The following SLC41A1 variants were observed in gnomAD, a reference collection of about 807,000 sequenced individuals.
SLC41A1 encodes solute carrier family 41 (magnesium transporter), member 1.
In SLC41A1, 20 loss-of-function variants were observed where a neutral mutation model predicts 47.3. That is an observed-to-expected ratio of 0.42 (90% CI 0.30 to 0.61). SLC41A1 has a LOEUF of 0.61. SLC41A1 is among the 20% of genes least tolerant of loss of function. The pLI is 0.17. For missense variants in SLC41A1, 504 were observed against 674.1 expected, an observed-to-expected ratio of 0.75 and a Z score of 2.79; for synonymous variants, 282 against 272.7, an observed-to-expected ratio of 1.03 and a Z score of -0.34.
chr1:205,795,096 GGA>G (rs2102501258), intron 9 of SLC41A1, 78 bp from the exon 10 acceptor site: 1 of 1,575,454 alleles, frequency 6.3e-7, no homozygotes, highest in African/African-American at 1.3e-5. Context: ...AAGTCAGGAG[GGA>G]CGGCACCATA....
intron 8 of SLC41A1, 33 bp downstream of exon 8, chr1:205,796,891 C>T (rs374211507): frequency 6.2e-7 from 1 of 1,602,644 alleles, no homozygotes; most frequent in Non-Finnish European, 8.5e-7. Flanking sequence ...TTCCCCCAGC[C>T]CTGCCCTCTG....
At chr1:205,804,955 A>G (rs1241387585) in intron 2 of SLC41A1, among the ~76,000 whole-genome samples, 1 of 152,166 alleles carries the variant, frequency 6.6e-6, no homozygotes, top group East Asian at 1.9e-4. Flanking sequence ...ATTTAAGAAA[A>G]ATGTATAAAG....
intron 2 of SLC41A1, among the ~76,000 whole-genome samples, chr1:205,804,251 G>T (rs823071): frequency 0.85 from 128,844 of 152,012 alleles, 55,743 homozygotes; most frequent in Non-Finnish European, 0.94. Context: ...CTCTTTTCCT[G>T]TCGGAGCTCT....
Position 205,798,833 on chromosome 1 carries a change from G to A in SLC41A1, c.698-18C>T, listed in dbSNP as rs369481791. On this transcript the variant is annotated intron_variant, in intron 5 of 10. Coordinates refer to ENST00000367137, the MANE Select transcript of SLC41A1 (RefSeq NM_173854.6). ...GATCATACCTGGTGAGCAAGTGGGA[G>A]GAGGGGCAGGCAGGGTGAGAAGAGA... is the stretch of plus-strand genomic sequence containing the variant. 13 of 1,614,088 alleles carry A rather than the reference G, an allele frequency of 8.1e-6. No homozygotes were observed. The African/African-American group carries it at 1.3e-4, about 17-fold the overall frequency.
rs760009773 is a variant in SLC41A1 at position 205,790,155 on chromosome 1, C to G, written c.*1378G>C. The G allele has an allele frequency of 6.6e-6, 1 of 152,146 alleles. No homozygotes were observed. The highest frequency in any genetic ancestry group is 1.5e-5 in the Non-Finnish European group (1 of 68,048). The allele number at this position is 152,146 out of a possible 1,614,324, so 9.4% of individuals were successfully genotyped here. On this transcript the variant is annotated 3_prime_UTR_variant, in exon 11 of 11. Transcript: ENST00000367137. ...GGTCAGCACTGCACAGAGTAGGGGTCTGGAAAGGAGAAAGAGGCAGAAGAA... is the reference window on the plus strand; with the variant it reads ...GGTCAGCACTGCACAGAGTAGGGGTGTGGAAAGGAGAAAGAGGCAGAAGAA...
At chr1:205,801,410 T>C in intron 2 of SLC41A1, 1 of 334,370 alleles carries the variant, frequency 3.0e-6, no homozygotes, top group Non-Finnish European at 5.8e-6. Context: ...CCAGAAATCC[T>C]TTGCAATCCC....
chr1:205,794,049 A>C (rs1167585022), intron 10 of SLC41A1, among the ~76,000 whole-genome samples: 4 of 152,188 alleles, frequency 2.6e-5, no homozygotes, highest in Non-Finnish European at 4.4e-5. Flanking sequence ...AGCATAAGGG[A>C]GCCTTGTGGT....
chr1:205,790,366 G>T lies in SLC41A1; in HGVS notation c.*1167C>A, dbSNP rs1328087057. The T allele has an allele frequency of 6.6e-6, 1 of 152,238 alleles. No individual in the cohort carries two copies. Among genetic ancestry groups the T allele is most frequent in the African/African-American group, 2.4e-5 (1 of 41,466 alleles). 9.4% of individuals were successfully genotyped at this position (152,238 alleles called of 1,614,324 possible). A position where few individuals can be genotyped will look rare whatever the true frequency, so the allele number is the denominator to read the frequency against. On this transcript the variant is annotated 3_prime_UTR_variant, in exon 11 of 11. Transcript: ENST00000367137. ...AGGCACTCAATAAATATTGCTCAAAGAATGTTTCAGACCATGCTTGTCTGC... is the reference window on the plus strand; with the variant it reads ...AGGCACTCAATAAATATTGCTCAAATAATGTTTCAGACCATGCTTGTCTGC...
Position 205,798,041 on chromosome 1 carries a change from T to C in SLC41A1, c.855A>G (p.Arg285=). 1.9e-6 allele frequency: 3 copies of C among 1,614,120 alleles called. No homozygotes were observed. Among genetic ancestry groups the C allele is most frequent in the Non-Finnish European group, 2.5e-6 (3 of 1,180,036 alleles). The change falls in exon 7 of 11, where the codon CGA becomes CGG. Residue 285 remains arginine, a synonymous_variant. Coordinates refer to ENST00000367137, the MANE Select transcript of SLC41A1 (RefSeq NM_173854.6). The part of the protein sequence containing the change: ...WGLYLELNHW[R]YIYPLVCAFF... ...AAGCACACACCAGTGGGTAGATGTATCGCCAGTGATCTGAGAGGGCAGAGG... is the reference window on the plus strand; with the variant it reads ...AAGCACACACCAGTGGGTAGATGTACCGCCAGTGATCTGAGAGGGCAGAGG...
chr1:205,801,003 C>A lies in SLC41A1; in HGVS notation c.430G>T (p.Gly144Trp). The A allele has an allele frequency of 6.2e-7, 1 of 1,614,174 alleles. No individual in the cohort carries two copies. The highest frequency in any genetic ancestry group is 8.5e-7 in the Non-Finnish European group (1 of 1,180,014). The change falls in exon 3 of 11, where the codon GGG (glycine) becomes TGG (tryptophan). Residue 144 changes from glycine to tryptophan, a missense_variant. Physicochemically the swap from Gly to Trp is radical, Grantham distance 184. Around this residue, in one of 2 missense-constraint regions of SLC41A1, gnomAD observed 421 missense variants for 601.6 expected, o/e 0.70. Coordinates refer to ENST00000367137, the MANE Select transcript of SLC41A1 (RefSeq NM_173854.6). ...GTCATTTCCAGGTTCCCTTTGAGCC[C>A]CAGCAGCGCAGGCACTAGGATGAAG... ...EVFILVPALL[G>W]LKGNLEMTLA...
chr1:205,797,511 A>T (rs1372793826), intron 7 of SLC41A1, among the ~76,000 whole-genome samples: 2 of 152,242 alleles, frequency 1.3e-5, no homozygotes, highest in African/African-American at 4.8e-5. Context: ...CCAGATGAGA[A>T]GCAGTGGAAC....
chr1:205,810,255 C>T lies in SLC41A1; in HGVS notation c.187G>A (p.Glu63Lys), dbSNP rs371408446. 6.2e-7 allele frequency: 1 copy of T among 1,614,206 alleles called. No homozygotes were observed. Among genetic ancestry groups the T allele is most frequent in the Non-Finnish European group, 8.5e-7 (1 of 1,180,030 alleles). The stretch of plus-strand genomic sequence containing the variant: ...CTCCCGTTCTCCAGCAGGGCGTCCT[C>T]CTCCCGAACCCCCTTGGCGTTGGCC... ...SRANAKGVRE[E>K]DALLENGSQS... The change falls in exon 2 of 11, where the codon GAG becomes AAG. Residue 63 changes from glutamate (E) to lysine (K), a missense_variant. Around this residue, in one of 2 missense-constraint regions of SLC41A1, gnomAD observed 421 missense variants for 601.6 expected, o/e 0.70. Transcript: ENST00000367137. The surrounding 1 kb of genome is among the most constrained non-coding windows in gnomAD (Gnocchi z 5.5).
chr1:205,813,049 G>C lies in SLC41A1; in HGVS notation c.-888C>G. The C allele has an allele frequency of 1.0e-6, 1 of 985,556 alleles. No individual in the cohort carries two copies. Among genetic ancestry groups the C allele is most frequent in the Non-Finnish European group, 1.2e-6 (1 of 830,010 alleles). 61.1% of individuals were successfully genotyped at this position (985,556 alleles called of 1,614,324 possible). ...GCTTCCACGCGGGGGAGGTGGCCGGGGAGGGCAGGATATATCGCTTCGGGC... is the reference window on the plus strand; with the variant it reads ...GCTTCCACGCGGGGGAGGTGGCCGGCGAGGGCAGGATATATCGCTTCGGGC... On this transcript the variant is annotated 5_prime_UTR_variant, in exon 1 of 11. Coordinates refer to ENST00000367137, the MANE Select transcript of SLC41A1 (RefSeq NM_173854.6).
chr1:205,799,617 C>T (rs1655825717), intron 4 of SLC41A1, 142 bp downstream of exon 4: 1 of 906,494 alleles, frequency 1.1e-6, no homozygotes, highest in Non-Finnish European at 1.8e-6. Context: ...ACCTAGTTAC[C>T]TCCTAGAGCT....
intron 6 of SLC41A1, among the ~76,000 whole-genome samples, 162 bp from the exon 7 acceptor site, chr1:205,798,213 G>C (rs946594530): frequency 6.6e-6 from 1 of 152,208 alleles, no homozygotes; most frequent in Non-Finnish European, 1.5e-5. Flanking sequence ...TCAGGAGGTA[G>C]GTGGGACAAG....
intron 10 of SLC41A1, among the ~76,000 whole-genome samples, chr1:205,794,610 C>A (rs1655702127): frequency 6.6e-6 from 1 of 151,186 alleles, no homozygotes; most frequent in Non-Finnish European, 1.5e-5. Flanking sequence ...AAAACTACCA[C>A]CCCTGGTCCA....
Position 205,810,559 on chromosome 1 carries a change from A to G in SLC41A1, c.-118T>C. The stretch of plus-strand genomic sequence containing the variant: ...TGAACCCAGGCTTGGGCGCCGCAGG[A>G]CCTCTTCCCACGGCTCTCCACTCCT... On this transcript the variant is annotated 5_prime_UTR_variant, in exon 2 of 11. Coordinates refer to ENST00000367137, the MANE Select transcript of SLC41A1 (RefSeq NM_173854.6). The surrounding 1 kb of genome is among the most constrained non-coding windows in gnomAD (Gnocchi z 5.5). 3 of 1,508,294 alleles carry G rather than the reference A, an allele frequency of 2.0e-6. No individual in the cohort carries two copies. Among genetic ancestry groups the G allele is most frequent in the East Asian group, 2.3e-5 (1 of 44,228 alleles). 93.4% of individuals were successfully genotyped at this position (1,508,294 alleles called of 1,614,324 possible). A position where few individuals can be genotyped will look rare whatever the true frequency, so the allele number is the denominator to read the frequency against.
At chr1:205,799,980 C>G (rs994717400) in intron 3 of SLC41A1, 150 bp from the exon 4 acceptor site, 128 of 720,544 alleles carry the variant, frequency 1.8e-4, no homozygotes, top group Non-Finnish European at 2.8e-4. Context: ...GAAGCAGGAT[C>G]AGGGAAACTG....
chr1:205,799,038 C>G lies in SLC41A1; in HGVS notation c.616G>C (p.Asp206His), dbSNP rs747516634. The G allele has an allele frequency of 3.1e-6, 5 of 1,613,600 alleles. No homozygotes were observed. The highest frequency in any genetic ancestry group is 2.7e-5 in the African/African-American group (2 of 74,910). The change falls in exon 5 of 11, where the codon GAT becomes CAT. Residue 206 changes from aspartate to histidine, a missense_variant. Asp to His is a moderately conservative substitution (Grantham distance 81, BLOSUM62 -1). Around this residue, in one of 2 missense-constraint regions of SLC41A1, gnomAD observed 421 missense variants for 601.6 expected, o/e 0.70. Coordinates refer to ENST00000367137, the MANE Select transcript of SLC41A1 (RefSeq NM_173854.6). ...GCGTGCGGAATACTGAAGTGGCCAT[C>G]AGGGATCCAGCCAAAGACGACGGCT... Reference protein sequence around the residue: ...IAAVVFGWIPDGHFSIPHAFL... With the variant: ...IAAVVFGWIPHGHFSIPHAFL...
Sources: gnomAD v4.1 joint callset for allele counts (sites outside exome capture counted in the v4.1 genomes callset) on GRCh38, gnomAD v4.1.1 for gene constraint, gnomAD v4.1.1 regional missense constraint, Gnocchi (gnomAD v3.1) non-coding constraint, MANE v1.5 for transcripts, NCBI Gene and HGNC (gene_info 2026-07-23, HGNC 2026-07-21) for gene names.